The following ST8SIA2 variants were observed in gnomAD, a reference collection of about 807,000 sequenced individuals.
ST8SIA2 encodes the protein ST8 alpha-N-acetyl-neuraminide alpha-2,8-sialyltransferase 2.
In ST8SIA2, 22 loss-of-function variants were observed where a neutral mutation model predicts 37.6. That is an observed-to-expected ratio of 0.58 (90% CI 0.42 to 0.83). The LOEUF (loss-of-function observed/expected upper bound fraction) is 0.83. Ranked by LOEUF, ST8SIA2 falls within the 40% of genes least tolerant of loss-of-function variation. The pLI is 0.00. For missense variants in ST8SIA2, 382 were observed against 484.7 expected (o/e 0.79, Z 1.99); for synonymous variants, 205 against 201.2 (o/e 1.02, Z -0.16).
chr15:92,428,510 G>C (rs753682972), intron 1 of ST8SIA2, among the ~76,000 whole-genome samples: 3 of 152,158 alleles, frequency 2.0e-5, no homozygotes, highest in Non-Finnish European at 4.4e-5. Flanking sequence ...GGGTCCAGCT[G>C]GTGGCATGTG....
chr15:92,439,067 G>C (rs567176536), intron 4 of ST8SIA2, among the ~76,000 whole-genome samples: 131 of 152,202 alleles, frequency 8.6e-4, no homozygotes, highest in Admixed American at 3.2e-3. Flanking sequence ...TCAGAACAGA[G>C]AGATCATATC....
intron 3 of ST8SIA2, among the ~76,000 whole-genome samples, chr15:92,435,007 G>A (rs921879658): frequency 4.6e-4 from 70 of 152,314 alleles, no homozygotes; most frequent in African/African-American, 1.5e-3. Flanking sequence ...ATGGGGAACC[G>A]TAGAGAAGGA....
Position 92,404,834 on chromosome 15 carries a change from C to CAA in ST8SIA2, c.98+10688_98+10689dup, listed in dbSNP as rs34778008. 7.6e-3 allele frequency among the ~76,000 whole-genome samples: 846 copies of CAA among 111,258 alleles called. 7 individuals carry two copies. Among genetic ancestry groups the CAA allele is most frequent in the Non-Finnish European group, 0.011 (599 of 55,910 alleles). The allele number at this position is 111,258 out of a possible 152,430, so 73.0% of individuals were successfully genotyped here. On this transcript the variant is annotated intron_variant, in intron 1 of 5. Coordinates refer to ENST00000268164, the MANE Select transcript of ST8SIA2 (RefSeq NM_006011.4). ...TGGGTGACAGAGCAAGACTCCATCT[C>CAA]AAAAAAAAAAAAAAAAATTGGAAAC...
At chr15:92,404,762 G>A (rs1377311875) in intron 1 of ST8SIA2, among the ~76,000 whole-genome samples, 1 of 151,504 alleles carries the variant, frequency 6.6e-6, no homozygotes, top group African/African-American at 2.4e-5. Flanking sequence ...TTGAACCCGG[G>A]AGGCGGAGGT....
At chr15:92,456,935 C>A (rs1010775557) in intron 5 of ST8SIA2, among the ~76,000 whole-genome samples, 4 of 152,232 alleles carry the variant, frequency 2.6e-5, no homozygotes, top group African/African-American at 9.6e-5. Flanking sequence ...ATGCCTTGAT[C>A]AGCCTTTCCC....
At chr15:92,443,855 G>A (rs1296425870) in intron 4 of ST8SIA2, among the ~76,000 whole-genome samples, 1 of 152,092 alleles carries the variant, frequency 6.6e-6, no homozygotes, top group Non-Finnish European at 1.5e-5. Context: ...TCGATGCTTA[G>A]GCTCACCTGC....
At chr15:92,436,534 C>A (rs888750128) in intron 3 of ST8SIA2, among the ~76,000 whole-genome samples, 6 of 152,180 alleles carry the variant, frequency 3.9e-5, no homozygotes, top group Non-Finnish European at 8.8e-5. Flanking sequence ...ATGGTAATTT[C>A]TCCTAATTAG....
Position 92,444,828 on chromosome 15 carries a change from C to T in ST8SIA2, c.741C>T (p.Gly247=), listed in dbSNP as rs142357478. The change falls in exon 5 of 6, where the codon GGC becomes GGT. Residue 247 remains glycine, a synonymous_variant. Coordinates refer to ENST00000268164, the MANE Select transcript of ST8SIA2 (RefSeq NM_006011.4). ...GGATCCCTGCCTTCATGGCCCGGGG[C>T]GGCAAGGAGCGTGTTGAGTGGGTCA... The part of the protein sequence containing the change: ...ILWIPAFMAR[G]GKERVEWVNE... 45 of 1,613,916 alleles carry T rather than the reference C, an allele frequency of 2.8e-5. No homozygotes were observed. The highest frequency in any genetic ancestry group is 2.3e-4 in the African/African-American group (17 of 74,956).
At chr15:92,441,512 A>C (rs187288528) in intron 4 of ST8SIA2, among the ~76,000 whole-genome samples, 1 of 151,726 alleles carries the variant, frequency 6.6e-6, no homozygotes, top group Non-Finnish European at 1.5e-5. Context: ...CACTGTGTCT[A>C]TCTGGGATCG....
intron 5 of ST8SIA2, among the ~76,000 whole-genome samples, chr15:92,451,904 G>A (rs17521905): frequency 0.01 from 1,577 of 152,302 alleles, 25 homozygotes; most frequent in South Asian, 0.058. Context: ...CTAGGAAATA[G>A]TGATGGCACC....
intron 2 of ST8SIA2, among the ~76,000 whole-genome samples, chr15:92,433,156 A>G (rs144484898): frequency 6.6e-6 from 1 of 152,178 alleles, no homozygotes; most frequent in East Asian, 1.9e-4. Context: ...AAAAAGTCAA[A>G]GTGGAGCGTC....
intron 4 of ST8SIA2, among the ~76,000 whole-genome samples, chr15:92,444,209 G>A (rs886815346): frequency 6.6e-6 from 1 of 152,202 alleles, no homozygotes; most frequent in Non-Finnish European, 1.5e-5. Context: ...GGTTGAGCAA[G>A]TTTCCCAGAC....
chr15:92,396,481 T>C (rs2049431299), intron 1 of ST8SIA2, among the ~76,000 whole-genome samples: 1 of 150,906 alleles, frequency 6.6e-6, no homozygotes, highest in African/African-American at 2.4e-5. Flanking sequence ...TTTTTTTTTT[T>C]GTCTTTTCTT....
At chr15:92,443,959 C>A (rs1477338145) in intron 4 of ST8SIA2, among the ~76,000 whole-genome samples, 2 of 152,166 alleles carry the variant, frequency 1.3e-5, no homozygotes, top group African/African-American at 4.8e-5. Context: ...GAGAAGCACT[C>A]TTTTCGTGTA....
intron 1 of ST8SIA2, among the ~76,000 whole-genome samples, chr15:92,406,880 G>A (rs1232516661): frequency 2.0e-5 from 3 of 151,862 alleles, no homozygotes; most frequent in African/African-American, 7.3e-5. Flanking sequence ...TGTAATCTCA[G>A]CTACTCAGGA....
Position 92,394,133 on chromosome 15 carries a change from A to AGAAGAT in ST8SIA2, c.71_72insAGATGA (p.Ala23_Asp24insGluAsp). 6.4e-7 allele frequency: 1 copy of AGAAGAT among 1,559,578 alleles called. No individual in the cohort carries two copies. The highest frequency in any genetic ancestry group is 8.7e-7 in the Non-Finnish European group (1 of 1,150,694). On this transcript the variant is annotated inframe_insertion, in exon 1 of 6. Coordinates refer to ENST00000268164, the MANE Select transcript of ST8SIA2 (RefSeq NM_006011.4). The stretch of plus-strand genomic sequence containing the variant: ...TGCTCGTGGTCTTCCTCATCTTCGC[A>AGAAGAT]GACATCTCAGAGATCGAAGAAGAAA...
intron 1 of ST8SIA2, among the ~76,000 whole-genome samples, chr15:92,396,470 G>GTTT (rs111488508): frequency 0.06 from 8,662 of 143,500 alleles, 601 homozygotes; most frequent in East Asian, 0.32. Flanking sequence ...GTTTGTTTTT[G>GTTT]TTTTTTTTTT....
intron 1 of ST8SIA2, among the ~76,000 whole-genome samples, chr15:92,412,721 G>A (rs557549289): frequency 2.0e-5 from 3 of 152,212 alleles, no homozygotes; most frequent in Admixed American, 1.3e-4. Flanking sequence ...GCAGTGGTGC[G>A]ATCTTGGCTC....
At chr15:92,410,735 G>T (rs138166632) in intron 1 of ST8SIA2, among the ~76,000 whole-genome samples, 2 of 152,100 alleles carry the variant, frequency 1.3e-5, no homozygotes, top group African/African-American at 2.4e-5. Flanking sequence ...GTGAGCTGAC[G>T]TGTAATAAAA....
Sources: gnomAD v4.1 joint callset for allele counts (sites outside exome capture counted in the v4.1 genomes callset) on GRCh38, gnomAD v4.1.1 for gene constraint, MANE v1.5 for transcripts, NCBI Gene and HGNC (gene_info 2026-07-23, HGNC 2026-07-21) for gene names.